Variants in INTS8 observed in about 807,000 individuals in gnomAD.
The protein encoded by INTS8 is protein kaonashi-1.
In INTS8, 47 loss-of-function variants were observed where a neutral mutation model predicts 138.9. The observed-to-expected ratio is 0.34, with a 90% CI of 0.27 to 0.43. The LOEUF is 0.43. INTS8 is among the 20% of genes least tolerant of loss of function. The pLI is 1.00. For synonymous variants in INTS8, 392 were observed against 400.9 expected, an observed-to-expected ratio of 0.98 and a Z score of 0.27; for missense variants, 996 against 1,173.0, an observed-to-expected ratio of 0.85 and a Z score of 2.20.
intron 7 of INTS8, 98 bp from the exon 8 acceptor site, chr8:94,838,365 G>A (rs1055042811): frequency 1.7e-4 from 174 of 1,037,954 alleles, no homozygotes; most frequent in Non-Finnish European, 2.3e-4. Flanking sequence ...TGAATTTTTC[G>A]TTAGCATTTC....
intron 6 of INTS8, among the ~76,000 whole-genome samples, chr8:94,833,631 G>T (rs1464733338): frequency 6.6e-6 from 1 of 152,186 alleles, no homozygotes; most frequent in East Asian, 1.9e-4. Flanking sequence ...CATGGTGGAT[G>T]ATACAACCTG....
At chr8:94,841,361 A>T in intron 8 of INTS8, 130 bp from the exon 9 acceptor site, 1 of 493,964 alleles carries the variant, frequency 2.0e-6, no homozygotes, top group Non-Finnish European at 3.6e-6. Context: ...TAGGAAGAAA[A>T]GGTTTTCATA....
chr8:94,839,196 C>T (rs1319563866), intron 8 of INTS8, among the ~76,000 whole-genome samples: 1 of 152,160 alleles, frequency 6.6e-6, no homozygotes, highest in Non-Finnish European at 1.5e-5. Flanking sequence ...TGCTCTTGAG[C>T]CTACTCACCA....
At chr8:94,826,977 C>T (rs1259160709) in intron 2 of INTS8, among the ~76,000 whole-genome samples, 2 of 151,862 alleles carry the variant, frequency 1.3e-5, no homozygotes, top group African/African-American at 4.8e-5. Context: ...TGGTGGCGGG[C>T]GCCTGTAATC....
At position 94,834,565 on chromosome 8, in the gene INTS8, G is replaced by A. The variant is rs116146984; in HGVS notation, c.754-1959G>A. Among the ~76,000 whole-genome samples, 897 of 152,074 alleles carry A rather than the reference G, an allele frequency of 5.9e-3. 4 individuals are homozygous for A. The highest frequency in any genetic ancestry group is 0.02 in the African/African-American group (844 of 41,456). ...TCTACGAAAAACACAAAAATTAGGCGTTGTGGCAGGTGCCTGTGATCCCAG... is the reference window on the plus strand; with the variant it reads ...TCTACGAAAAACACAAAAATTAGGCATTGTGGCAGGTGCCTGTGATCCCAG... On this transcript the variant is annotated intron_variant, in intron 6 of 26. Transcript: ENST00000523731.
chr8:94,857,069 A>ATTT, intron 15 of INTS8, 91 bp downstream of exon 15: 2 of 867,578 alleles, frequency 2.3e-6, no homozygotes, highest in Non-Finnish European at 3.4e-6. Context: ...TGAGTTTGTA[A>ATTT]TCTTTTTTTT....
intron 2 of INTS8, among the ~76,000 whole-genome samples, chr8:94,825,806 A>C (rs1814477983): frequency 6.6e-6 from 1 of 150,938 alleles, no homozygotes; most frequent in Non-Finnish European, 1.5e-5. Context: ...AAATTTAAAA[A>C]ATAGGAAATA....
In INTS8 at chr8:94,867,124, G is replaced by A. The variant is rs1007415141; in HGVS notation, c.2296-16G>A. On this transcript the variant is annotated splice_polypyrimidine_tract_variant and intron_variant, in intron 18 of 26. Transcript: ENST00000523731. ...TACATACACTGTTTAAGGATTCTGTGTTTTCTTTCTCATAGGAACCACTCG... is the reference window on the plus strand; with the variant it reads ...TACATACACTGTTTAAGGATTCTGTATTTTCTTTCTCATAGGAACCACTCG... The A allele has an allele frequency of 1.3e-6, 2 of 1,585,476 alleles. No individual in the cohort carries two copies. Among genetic ancestry groups the A allele is most frequent in the South Asian group, 2.3e-5 (2 of 87,630 alleles).
intron 20 of INTS8, among the ~76,000 whole-genome samples, chr8:94,870,241 C>T (rs150375456): frequency 0.034 from 5,151 of 151,828 alleles, 92 homozygotes; most frequent in Non-Finnish European, 0.04. Flanking sequence ...TTAGTAGAGA[C>T]GGGGTTTCAC....
intron 14 of INTS8, 128 bp from the exon 15 acceptor site, chr8:94,856,649 T>TAA: frequency 1.4e-6 from 1 of 714,718 alleles, no homozygotes; most frequent in Non-Finnish European, 2.5e-6. Flanking sequence ...TATCTAGCCT[T>TAA]ACTGCCTGAG....
chr8:94,862,782 A>G (rs1253644223), intron 16 of INTS8, among the ~76,000 whole-genome samples: 3 of 152,156 alleles, frequency 2.0e-5, no homozygotes, highest in Non-Finnish European at 4.4e-5. Flanking sequence ...GAAGTTTAGA[A>G]TGAGGGATTG....
rs58388097 is a variant in INTS8 at position 94,848,013 on chromosome 8, C to CT, written c.1261-1436dup. Among the ~76,000 whole-genome samples the CT allele has an allele frequency of 3.1e-3, 402 of 129,908 alleles. 10 individuals carry two copies. The highest frequency in any genetic ancestry group is 4.6e-3 in the Middle Eastern group (1 of 218). 85.2% of individuals were successfully genotyped at this position (129,908 alleles called of 152,430 possible). On this transcript the variant is annotated intron_variant, in intron 10 of 26. Coordinates refer to ENST00000523731, the MANE Select transcript of INTS8 (RefSeq NM_017864.4). The stretch of plus-strand genomic sequence containing the variant: ...TGAACATAGCACTTTTAAAACACTG[C>CT]TTTTTTTTTTTTTGAGATGGAGTCT...
At position 94,876,497 on chromosome 8, in the gene INTS8, A is replaced by G. The variant is rs2131079547; in HGVS notation, c.2871+8A>G. On this transcript the variant is annotated splice_region_variant and intron_variant, in intron 26 of 26. Transcript: ENST00000523731. ...GATAAAAGACAAATTGCAGTAAGTT[A>G]CCTTATGCCTTTCTTCAGTGGTACA... 1 of 1,525,838 alleles carries G rather than the reference A, an allele frequency of 6.6e-7. No homozygotes were observed. The highest frequency in any genetic ancestry group is 1.2e-5 in the South Asian group (1 of 85,032). The allele number at this position is 1,525,838 out of a possible 1,614,324, so 94.5% of individuals were successfully genotyped here.
intron 14 of INTS8, among the ~76,000 whole-genome samples, chr8:94,854,514 C>A (rs78621608): frequency 0.034 from 5,120 of 152,258 alleles, 90 homozygotes; most frequent in Non-Finnish European, 0.04. Context: ...AACAAACTTT[C>A]TAAAAATATA....
In INTS8 at chr8:94,878,211, C is replaced by T. The variant is rs1372639074; in HGVS notation, c.2871+1722C>T. Reference sequence around the variant, plus strand: ...GCCACTGCCAAACAAGTCTCCAACCCGTCAGCTTTTTTGTTTTACCTGCCA... The same window carrying T: ...GCCACTGCCAAACAAGTCTCCAACCTGTCAGCTTTTTTGTTTTACCTGCCA... On this transcript the variant is annotated intron_variant, in intron 26 of 26. Coordinates refer to ENST00000523731, the MANE Select transcript of INTS8 (RefSeq NM_017864.4). Among the ~76,000 whole-genome samples the T allele has an allele frequency of 3.3e-5, 5 of 152,158 alleles. No individual in the cohort carries two copies. The East Asian group carries it at 9.6e-4, about 29-fold the overall frequency.
chr8:94,865,810 G>A (rs146084862), intron 17 of INTS8, 120 bp downstream of exon 17: 13,837 of 961,594 alleles, frequency 0.014, 120 homozygotes, highest in Non-Finnish European at 0.018. Context: ...ATATCATAAA[G>A]TTGGACAATC....
chr8:94,851,514 T>A (rs1474729082), intron 12 of INTS8, 39 bp from the exon 13 acceptor site: 2 of 1,396,402 alleles, frequency 1.4e-6, no homozygotes, highest in Non-Finnish European at 2.0e-6. Flanking sequence ...CTCGTGTATA[T>A]CTTTGAATTA....
At chr8:94,878,035 T>C (rs1274246948) in intron 26 of INTS8, among the ~76,000 whole-genome samples, 1 of 152,226 alleles carries the variant, frequency 6.6e-6, no homozygotes, top group African/African-American at 2.4e-5. Flanking sequence ...GAACCCCTGC[T>C]ATGATAGAAC....
chr8:94,832,266 G>T, intron 6 of INTS8, 92 bp downstream of exon 6: 1 of 893,842 alleles, frequency 1.1e-6, no homozygotes. Context: ...ATTTATTTCT[G>T]CCTTTGTCTC....
Sources: gnomAD v4.1 joint callset for allele counts (sites outside exome capture counted in the v4.1 genomes callset) on GRCh38, gnomAD v4.1.1 for gene constraint, MANE v1.5 for transcripts, NCBI Gene and HGNC (gene_info 2026-07-23, HGNC 2026-07-21) for gene names.